The following HECW1 variants were observed in gnomAD, a reference collection of about 807,000 sequenced individuals.
HECW1 encodes HECT, C2 and WW domain containing E3 ubiquitin protein ligase 1, also known as E3 ubiquitin-protein ligase HECW1.
A neutral mutation model predicts 182.3 loss-of-function variants in HECW1; 61 were observed. The ratio of observed to expected loss-of-function variants is 0.33; its 90% confidence interval spans 0.27 to 0.41. HECW1 has a LOEUF of 0.41. Among genes scored for constraint, HECW1 ranks in the 10% least tolerant of loss-of-function variants. The pLI, the probability that HECW1 is intolerant of heterozygous loss-of-function variation, is 1.00. For missense variants in HECW1, 1,739 were observed against 2,108.9 expected, an observed-to-expected ratio of 0.82 and a Z score of 3.44; for synonymous variants, 859 against 832.6, an observed-to-expected ratio of 1.03 and a Z score of -0.55.
intron 5 of HECW1, among the ~76,000 whole-genome samples, chr7:43,330,418 C>T (rs1019704991): frequency 1.2e-4 from 19 of 152,190 alleles, no homozygotes; most frequent in Non-Finnish European, 2.6e-4. Flanking sequence ...GTGAGATCCG[C>T]AGGAGAACTG....
chr7:43,453,265 G>A (rs951099200), intron 12 of HECW1, among the ~76,000 whole-genome samples: 1 of 152,176 alleles, frequency 6.6e-6, no homozygotes, highest in Admixed American at 6.5e-5. Flanking sequence ...GCTTGGGCCA[G>A]GGTGGGAGCA....
chr7:43,416,588 C>G (rs1584830512), intron 8 of HECW1, among the ~76,000 whole-genome samples: 1 of 151,662 alleles, frequency 6.6e-6, no homozygotes, highest in South Asian at 2.1e-4. Flanking sequence ...CTTTGTTTAC[C>G]TAAGCAAGCC....
At chr7:43,488,598 G>C (rs1339895407) in intron 17 of HECW1, among the ~76,000 whole-genome samples, 2 of 152,228 alleles carry the variant, frequency 1.3e-5, no homozygotes, top group African/African-American at 4.8e-5. Context: ...CGTCCCTCGG[G>C]ATGGATTGTT....
chr7:43,362,387 C>A (rs149179736), intron 6 of HECW1, among the ~76,000 whole-genome samples: 1 of 152,122 alleles, frequency 6.6e-6, no homozygotes, highest in Non-Finnish European at 1.5e-5. Context: ...GAACTCATAG[C>A]GGGAAGCGCA....
At chr7:43,494,361 T>C (rs1180322046) in intron 19 of HECW1, among the ~76,000 whole-genome samples, 1 of 152,270 alleles carries the variant, frequency 6.6e-6, no homozygotes, top group Non-Finnish European at 1.5e-5. Flanking sequence ...ATCTCTCTTC[T>C]GGACCATACA....
chr7:43,297,556 G>C (rs1806200527), intron 3 of HECW1, among the ~76,000 whole-genome samples: 1 of 152,152 alleles, frequency 6.6e-6, no homozygotes. Context: ...GGTTGGCAGG[G>C]ATGTCCAGGC....
At chr7:43,127,418 G>A (rs1325080849) in intron 2 of HECW1, among the ~76,000 whole-genome samples, 1 of 150,492 alleles carries the variant, frequency 6.6e-6, no homozygotes, top group Admixed American at 6.7e-5. Context: ...AGCTACTTGG[G>A]AGGCTGAAAC....
At chr7:43,154,511 T>A (rs1789669636) in intron 2 of HECW1, among the ~76,000 whole-genome samples, 1 of 152,258 alleles carries the variant, frequency 6.6e-6, no homozygotes, top group Non-Finnish European at 1.5e-5. Context: ...CAGTGAATTA[T>A]ATTCTCGTTG....
rs544813986 is a variant in HECW1, at chr7:43,489,984, C to T, written c.3235-2091C>T. Among the ~76,000 whole-genome samples the T allele has an allele frequency of 8.5e-5, 13 of 152,228 alleles. No individual in the cohort carries two copies. In the South Asian group the frequency reaches 2.7e-3, roughly 32 times the overall value. On this transcript the variant is annotated intron_variant, in intron 17 of 29. Coordinates refer to ENST00000395891, the MANE Select transcript of HECW1 (RefSeq NM_015052.5). ...TGGTCTCAGAGGGAGAAATGTCTTT[C>T]CTTTTTTTTAAATCTGGATGTTTGA...
At chr7:43,505,996 G>T (rs868490908) in intron 21 of HECW1, among the ~76,000 whole-genome samples, 1 of 151,952 alleles carries the variant, frequency 6.6e-6, no homozygotes, top group African/African-American at 2.4e-5. Context: ...TTAAAACTTG[G>T]GTAAGAATGT....
chr7:43,450,070 C>T (rs1262661535), intron 11 of HECW1, among the ~76,000 whole-genome samples: 5 of 151,996 alleles, frequency 3.3e-5, no homozygotes, highest in African/African-American at 9.7e-5. Flanking sequence ...GTTTGTCTTT[C>T]TTCCTCCTTC....
At chr7:43,306,660 T>G (rs1481695237) in intron 3 of HECW1, among the ~76,000 whole-genome samples, 2 of 152,234 alleles carry the variant, frequency 1.3e-5, no homozygotes, top group Non-Finnish European at 2.9e-5. Flanking sequence ...GACATGCCTT[T>G]GTCTGCTTTC....
At chr7:43,308,627 A>AT (rs59607666) in intron 3 of HECW1, among the ~76,000 whole-genome samples, 1,736 of 142,154 alleles carry the variant, frequency 0.012, 5 homozygotes, top group Non-Finnish European at 0.014. Context: ...CCTTTCTGTA[A>AT]TTTTTTTTTT....
At chr7:43,351,830 G>A (rs1410277640) in intron 5 of HECW1, among the ~76,000 whole-genome samples, 1 of 151,978 alleles carries the variant, frequency 6.6e-6, no homozygotes, top group African/African-American at 2.4e-5. Flanking sequence ...ATTTTCTTCT[G>A]ACCAATGTCT....
chr7:43,162,119 T>C (rs1413043078), intron 2 of HECW1, among the ~76,000 whole-genome samples: 1 of 152,284 alleles, frequency 6.6e-6, no homozygotes, highest in Non-Finnish European at 1.5e-5. Context: ...TAGTGTGTCT[T>C]ATCACTCTCA....
At chr7:43,300,933 G>T (rs1806685525) in intron 3 of HECW1, among the ~76,000 whole-genome samples, 1 of 152,148 alleles carries the variant, frequency 6.6e-6, no homozygotes, top group South Asian at 2.1e-4. Context: ...TTCTGCCACG[G>T]TGCCACTTGT....
chr7:43,227,686 A>T (rs899143840), intron 2 of HECW1, among the ~76,000 whole-genome samples: 1 of 152,226 alleles, frequency 6.6e-6, no homozygotes, highest in African/African-American at 2.4e-5. Context: ...ATTTTAAAAT[A>T]TTCTGAAATA....
At chr7:43,293,773 G>A (rs1255833826) in intron 3 of HECW1, among the ~76,000 whole-genome samples, 2 of 152,098 alleles carry the variant, frequency 1.3e-5, no homozygotes, top group African/African-American at 2.4e-5. Context: ...TAGGGCAGGG[G>A]TCCTCAACCC....
At chr7:43,244,083 A>C (rs1584143978) in intron 3 of HECW1, 151 bp downstream of exon 3, 2 of 715,456 alleles carry the variant, frequency 2.8e-6, no homozygotes, top group East Asian at 2.6e-5. Context: ...GAGATCCATC[A>C]CCCTCCCTCC....
Sources: gnomAD v4.1 joint callset for allele counts (sites outside exome capture counted in the v4.1 genomes callset) on GRCh38, gnomAD v4.1.1 for gene constraint, MANE v1.5 for transcripts, NCBI Gene and HGNC (gene_info 2026-07-23, HGNC 2026-07-21) for gene names.